Variants in ATP10A observed in about 807,000 individuals in gnomAD.
The protein encoded by ATP10A is ATPase phospholipid transporting 10A (putative).
A neutral mutation model predicts 147.8 loss-of-function variants in ATP10A; 111 were observed. The ratio of observed to expected loss-of-function variants is 0.75; its 90% confidence interval spans 0.64 to 0.88. The LOEUF (loss-of-function observed/expected upper bound fraction) is 0.88, where lower values mean the gene tolerates loss of function less well. Ranked by LOEUF, ATP10A falls within the 40% of genes least tolerant of loss-of-function variation. The pLI is 0.00. For synonymous variants in ATP10A, 875 were observed against 841.6 expected, an observed-to-expected ratio of 1.04 and a Z score of -0.69; for missense variants, 1,927 against 1,959.0, an observed-to-expected ratio of 0.98 and a Z score of 0.31.
chr15:25,808,994 G>A (rs558204059), intron 1 of ATP10A, among the ~76,000 whole-genome samples: 2 of 152,256 alleles, frequency 1.3e-5, no homozygotes, highest in African/African-American at 4.8e-5. Flanking sequence ...AGATGAAGGT[G>A]GGGCATGTGG....
At chr15:25,782,731 G>A (rs1291604924) in intron 1 of ATP10A, among the ~76,000 whole-genome samples, 2 of 152,150 alleles carry the variant, frequency 1.3e-5, no homozygotes, top group African/African-American at 4.8e-5. Flanking sequence ...TGGAATAACA[G>A]GCTAACTAAT....
At chr15:25,681,305 C>T (rs1277513195) in intron 17 of ATP10A, among the ~76,000 whole-genome samples, 4 of 152,168 alleles carry the variant, frequency 2.6e-5, no homozygotes, top group Admixed American at 6.5e-5. Flanking sequence ...GACATGTGCC[C>T]AGCAACTGTC....
chr15:25,769,356 G>A (rs1466099432), intron 2 of ATP10A, among the ~76,000 whole-genome samples: 1 of 151,486 alleles, frequency 6.6e-6, no homozygotes, highest in South Asian at 2.1e-4. Context: ...GGGTGGTGGC[G>A]GGCGTCTGTA....
intron 1 of ATP10A, among the ~76,000 whole-genome samples, chr15:25,815,417 T>C (rs1891606948): frequency 1.7e-5 from 1 of 58,930 alleles, no homozygotes. Context: ...GGTAGCTCCC[T>C]ATCTGCCTCA....
chr15:25,725,187 C>T lies in ATP10A; in HGVS notation c.979+764G>A, dbSNP rs544300621. ...GTGCATGGGAGGGATCTAGGTTGCACGCTCCTGATGAGAATCTAACTGGTG... is the reference window on the plus strand; with the variant it reads ...GTGCATGGGAGGGATCTAGGTTGCATGCTCCTGATGAGAATCTAACTGGTG... On this transcript the variant is annotated intron_variant, in intron 5 of 20. Transcript: ENST00000555815. 1.2e-3 allele frequency among the ~76,000 whole-genome samples: 186 copies of T among 152,200 alleles called. No individual in the cohort carries two copies. The Middle Eastern group carries it at 0.014, about 11-fold the overall frequency.
intron 2 of ATP10A, among the ~76,000 whole-genome samples, chr15:25,741,580 T>C (rs1417492662): frequency 6.6e-6 from 1 of 152,242 alleles, no homozygotes; most frequent in Non-Finnish European, 1.5e-5. Context: ...CTCTTTTGTT[T>C]TGTACTTTCT....
At chr15:25,703,133 G>A (rs1035873212) in intron 12 of ATP10A, among the ~76,000 whole-genome samples, 3 of 152,184 alleles carry the variant, frequency 2.0e-5, no homozygotes, top group Non-Finnish European at 2.9e-5. Flanking sequence ...CGTGGCGGGC[G>A]GGTCACTTGA....
In ATP10A at chr15:25,691,804, C is replaced by G. The variant is rs545935623; in HGVS notation, c.3089-13G>C. On this transcript the variant is annotated splice_polypyrimidine_tract_variant and intron_variant, in intron 14 of 20. Transcript: ENST00000555815. Reference sequence around the variant, plus strand: ...TTGGCTCCATCACCTAGAAACAGCACAGGCAAGAAGAATTGTTTGATTCTA... The same window carrying G: ...TTGGCTCCATCACCTAGAAACAGCAGAGGCAAGAAGAATTGTTTGATTCTA... 3 of 1,614,066 alleles carry G rather than the reference C, an allele frequency of 1.9e-6. No individual in the cohort carries two copies. The highest frequency in any genetic ancestry group is 8.5e-7 in the Non-Finnish European group (1 of 1,179,958).
intron 1 of ATP10A, among the ~76,000 whole-genome samples, chr15:25,842,778 A>G (rs888419280): frequency 1.3e-5 from 2 of 152,088 alleles, no homozygotes; most frequent in South Asian, 4.1e-4. Context: ...CAGTGGCACA[A>G]TCATAGCTCA....
At chr15:25,802,817 C>T (rs1047759095) in intron 1 of ATP10A, among the ~76,000 whole-genome samples, 6 of 151,338 alleles carry the variant, frequency 4.0e-5, no homozygotes, top group African/African-American at 1.5e-4. Context: ...GAATCTATCT[C>T]GAGGTCACTG....
rs758961526 is a variant in ATP10A at position 25,736,963 on chromosome 15, T to C, written c.655-822A>G. ...AATTATAGAAATGGCATAAACACTG[T>C]TGACACCACCCCAGGTTAACTATGG... On this transcript the variant is annotated intron_variant, in intron 2 of 20. Transcript: ENST00000555815. Among the ~76,000 whole-genome samples, 18 of 152,326 alleles carry C rather than the reference T, an allele frequency of 1.2e-4. No homozygotes were observed. In the South Asian group the frequency reaches 2.9e-3, roughly 25 times the overall value.
chr15:25,771,523 A>G (rs191044604), intron 2 of ATP10A, among the ~76,000 whole-genome samples: 33 of 152,292 alleles, frequency 2.2e-4, no homozygotes, highest in Admixed American at 2.2e-3. Context: ...CCAGCTACAG[A>G]ACAAAGACAA....
chr15:25,739,798 A>T (rs1170881575), intron 2 of ATP10A, among the ~76,000 whole-genome samples: 1 of 152,240 alleles, frequency 6.6e-6, no homozygotes, highest in East Asian at 1.9e-4. Flanking sequence ...TGTCTTACAG[A>T]TATTTCTGAA....
At chr15:25,859,055 G>A (rs1893642214) in intron 1 of ATP10A, among the ~76,000 whole-genome samples, 1 of 152,190 alleles carries the variant, frequency 6.6e-6, no homozygotes, top group Admixed American at 6.5e-5. Flanking sequence ...TGCTGTGGAA[G>A]AGGTGGATGA....
chr15:25,764,605 T>C (rs1888928998), intron 2 of ATP10A, among the ~76,000 whole-genome samples: 1 of 152,232 alleles, frequency 6.6e-6, no homozygotes. Flanking sequence ...CCAGATCTAC[T>C]GGCGCCTCAA....
intron 1 of ATP10A, among the ~76,000 whole-genome samples, chr15:25,792,379 G>C (rs1053176740): frequency 6.6e-6 from 1 of 152,184 alleles, no homozygotes; most frequent in Admixed American, 6.5e-5. Flanking sequence ...TGCAAAGACA[G>C]TGGCCACCAG....
chr15:25,697,013 A>C (rs1440785095), intron 13 of ATP10A, among the ~76,000 whole-genome samples: 1 of 152,170 alleles, frequency 6.6e-6, no homozygotes, highest in Non-Finnish European at 1.5e-5. Flanking sequence ...TGGGAAGAAG[A>C]AGGTGACACA....
rs921512815 is a variant in ATP10A at position 25,783,363 on chromosome 15, C to T, written c.450-2140G>A. Among the ~76,000 whole-genome samples the T allele has an allele frequency of 4.9e-4, 75 of 152,194 alleles. 1 individual carries two copies. Among genetic ancestry groups the T allele is most frequent in the Admixed American group, 4.9e-3 (75 of 15,282 alleles). ...TGTATCTGGAGGTGGACTGTGTGGG[C>T]CACATCTATCAGCTCCCTGAGCATT... is the stretch of plus-strand genomic sequence containing the variant. On this transcript the variant is annotated intron_variant, in intron 1 of 20. Coordinates refer to ENST00000555815, the MANE Select transcript of ATP10A (RefSeq NM_024490.4).
chr15:25,800,473 C>T (rs1890885701), intron 1 of ATP10A, among the ~76,000 whole-genome samples: 1 of 152,176 alleles, frequency 6.6e-6, no homozygotes, highest in Non-Finnish European at 1.5e-5. Context: ...TGAGTTCTCA[C>T]CTGCCCTCCC....
Sources: gnomAD v4.1 joint callset for allele counts (sites outside exome capture counted in the v4.1 genomes callset) on GRCh38, gnomAD v4.1.1 for gene constraint, MANE v1.5 for transcripts, NCBI Gene and HGNC (gene_info 2026-07-23, HGNC 2026-07-21) for gene names.